SCMH1: variants seen among roughly 807,000 people sequenced by gnomAD.
SCMH1 encodes polycomb protein SCMH1.
In SCMH1, 37 loss-of-function variants were observed where a neutral mutation model predicts 70.8. That is an observed-to-expected ratio of 0.52 (90% confidence interval 0.40 to 0.69). The LOEUF (loss-of-function observed/expected upper bound fraction) is 0.69, where lower values mean the gene tolerates loss of function less well. SCMH1 is among the 30% of genes least tolerant of loss of function. SCMH1 has a pLI of 0.00. For missense variants in SCMH1, 607 were observed against 827.3 expected, an observed-to-expected ratio of 0.73 and a Z score of 3.27; for synonymous variants, 292 against 307.4, an observed-to-expected ratio of 0.95 and a Z score of 0.52.
rs138038609 is a variant in SCMH1 at position 41,072,407 on chromosome 1, C to T, written c.979-1686G>A. Among the ~76,000 whole-genome samples, 16 of 152,294 alleles carry T rather than the reference C, an allele frequency of 1.1e-4. No individual in the cohort carries two copies. The East Asian group carries it at 3.1e-3, about 29-fold the overall frequency. ...ATGTACAATATTATATGTATTCATA[C>T]ATTATCTCATTTCCATTTTACAGGT... On this transcript the variant is annotated intron_variant, in intron 9 of 14. Coordinates refer to ENST00000337495, the Ensembl canonical transcript of SCMH1.
chr1:41,190,536 T>G (rs1043649786), intron 1 of SCMH1, among the ~76,000 whole-genome samples: 2 of 152,198 alleles, frequency 1.3e-5, no homozygotes, highest in African/African-American at 4.8e-5. Context: ...GTGAAGATAC[T>G]AAATCATTAG....
intron 4 of SCMH1, among the ~76,000 whole-genome samples, chr1:41,156,574 G>A (rs561670544): frequency 1.2e-3 from 184 of 152,226 alleles, no homozygotes; most frequent in Non-Finnish European, 2.1e-3. Flanking sequence ...TAGTAGCTGG[G>A]ACTACAGGTG....
intron 13 of SCMH1, among the ~76,000 whole-genome samples, chr1:41,034,806 A>G (rs1645064620): frequency 6.6e-6 from 1 of 152,138 alleles, no homozygotes; most frequent in African/African-American, 2.4e-5. Context: ...TCAGAGGCCA[A>G]ACATGTACCC....
chr1:41,177,672 GAA>G (rs1647361502), intron 2 of SCMH1, among the ~76,000 whole-genome samples: 1 of 152,168 alleles, frequency 6.6e-6, no homozygotes, highest in Non-Finnish European at 1.5e-5. Context: ...AATGAAGTGA[GAA>G]GAGAAGTTTA....
chr1:41,230,598 C>G (rs188723156), intron 1 of SCMH1, among the ~76,000 whole-genome samples: 46 of 151,558 alleles, frequency 3.0e-4, no homozygotes, highest in African/African-American at 1.1e-3. Context: ...TTCAAGGCAG[C>G]AGTGAGCTAT....
chr1:41,069,662 A>G (rs538461058), intron 10 of SCMH1, among the ~76,000 whole-genome samples: 7 of 152,234 alleles, frequency 4.6e-5, no homozygotes, highest in Non-Finnish European at 1.0e-4. Context: ...GACTAATCCT[A>G]TCATTGTATA....
chr1:41,234,554 G>A (rs1027388493), intron 1 of SCMH1, among the ~76,000 whole-genome samples: 3 of 125,678 alleles, frequency 2.4e-5, no homozygotes, highest in African/African-American at 9.1e-5. Context: ...TGCAAGCTCC[G>A]CCTCCCGCCT....
intron 1 of SCMH1, among the ~76,000 whole-genome samples, chr1:41,240,087 T>C (rs559082599): frequency 1.3e-5 from 2 of 152,364 alleles, no homozygotes; most frequent in East Asian, 3.9e-4. Context: ...TGCAAATGTT[T>C]ACCCAACTTA....
At chr1:41,202,311 G>C (rs1343122549) in intron 1 of SCMH1, among the ~76,000 whole-genome samples, 3 of 152,020 alleles carry the variant, frequency 2.0e-5, no homozygotes, top group African/African-American at 7.2e-5. Context: ...TGGGATTACA[G>C]GCATGAGCCA....
intron 4 of SCMH1, 44 bp downstream of exon 4, chr1:41,160,827 GTTTA>G (rs1645955921): frequency 6.6e-7 from 1 of 1,517,218 alleles, no homozygotes; most frequent in South Asian, 1.2e-5. Context: ...CTAATCCCTG[GTTTA>G]CCAATTCCCC....
intron 12 of SCMH1, among the ~76,000 whole-genome samples, chr1:41,039,542 T>C (rs1223124067): frequency 6.6e-6 from 1 of 151,510 alleles, no homozygotes; most frequent in East Asian, 1.9e-4. Flanking sequence ...GTGGCACAAC[T>C]CACTGCACTC....
intron 4 of SCMH1, among the ~76,000 whole-genome samples, chr1:41,156,179 T>G (rs761310738): frequency 6.6e-6 from 1 of 152,168 alleles, no homozygotes; most frequent in Non-Finnish European, 1.5e-5. Flanking sequence ...CTAATCTCTA[T>G]GTCCCAAATC....
intron 2 of SCMH1, among the ~76,000 whole-genome samples, chr1:41,183,053 G>A (rs1488826409): frequency 1.3e-5 from 2 of 152,090 alleles, no homozygotes; most frequent in African/African-American, 2.4e-5. Context: ...TTAATAATCA[G>A]TTTATATCTT....
chr1:41,049,660 G>A (rs1571479797), intron 10 of SCMH1, among the ~76,000 whole-genome samples: 2 of 151,476 alleles, frequency 1.3e-5, no homozygotes, highest in Admixed American at 6.6e-5. Context: ...CCAGCTACTC[G>A]GGAGGCTGAG....
chr1:41,035,709 G>A (rs989341755), intron 13 of SCMH1, among the ~76,000 whole-genome samples: 1 of 152,140 alleles, frequency 6.6e-6, no homozygotes, highest in African/African-American at 2.4e-5. Flanking sequence ...CTTTTTGGAA[G>A]GTGCAAGCTG....
chr1:41,234,453 C>CTTTTTTT (rs66686109), intron 1 of SCMH1, among the ~76,000 whole-genome samples: 1 of 49,356 alleles, frequency 2.0e-5, no homozygotes, highest in Non-Finnish European at 3.5e-5. Context: ...AACTCTGCCT[C>CTTTTTTT]TTTTTTTTTT....
intron 1 of SCMH1, among the ~76,000 whole-genome samples, chr1:41,188,318 T>G (rs755285172): frequency 6.6e-6 from 1 of 152,148 alleles, no homozygotes; most frequent in Non-Finnish European, 1.5e-5. Flanking sequence ...TTAGTAGAGA[T>G]GGGGTTTCAC....
chr1:41,058,378 G>GTTTTTCTTTTTT (rs1651274417), intron 10 of SCMH1, among the ~76,000 whole-genome samples: 1 of 81,640 alleles, frequency 1.2e-5, no homozygotes, highest in African/African-American at 5.1e-5. Flanking sequence ...TTTCTTTCTT[G>GTTTTTCTTTTTT]TTTTTTTTTT....
exon 11 of SCMH1, chr1:41,048,777 C>T (rs2148700039): frequency 1.2e-6 from 2 of 1,614,154 alleles, no homozygotes; most frequent in East Asian, 4.5e-5. Flanking sequence ...GCCTGGACAG[C>T]CTGCTGCAAC....
Sources: gnomAD v4.1 joint callset for allele counts (sites outside exome capture counted in the v4.1 genomes callset) on GRCh38, gnomAD v4.1.1 for gene constraint, MANE v1.5 for transcripts, NCBI Gene and HGNC (gene_info 2026-07-23, HGNC 2026-07-21) for gene names.